Variants in ASAP1 observed in about 807,000 individuals in gnomAD.
ASAP1 encodes the protein arf-GAP with SH3 domain, ANK repeat and PH domain-containing protein 1.
In ASAP1, 43 loss-of-function variants were observed where a neutral mutation model predicts 145.2. The ratio of observed to expected loss-of-function variants is 0.30; its 90% CI spans 0.23 to 0.38. ASAP1 has a LOEUF of 0.38. Among genes scored for constraint, ASAP1 ranks in the 10% least tolerant of loss-of-function variants. The probability of loss-of-function intolerance (pLI) is 1.00; values close to 1 mark genes in which losing one functional copy is unlikely to be tolerated. For missense variants in ASAP1, 1,018 were observed against 1,355.3 expected (o/e 0.75, Z 3.91); for synonymous variants, 546 against 515.5 (o/e 1.06, Z -0.80).
Position 130,180,898 on chromosome 8 carries a change from G to A in ASAP1, c.531-18C>T, listed in dbSNP as rs780430152. On this transcript the variant is annotated intron_variant, in intron 7 of 29. Coordinates refer to ENST00000518721, the MANE Select transcript of ASAP1 (RefSeq NM_018482.4). ...TTTTTGTACTGTAATTAAAGCCAAT[G>A]TCATTATTTAAAAAAAAAAAATACA... The A allele has an allele frequency of 6.5e-7, 1 of 1,529,718 alleles. No individual in the cohort carries two copies. Among genetic ancestry groups the A allele is most frequent in the Non-Finnish European group, 8.7e-7 (1 of 1,147,586 alleles). 94.8% of individuals were successfully genotyped at this position (1,529,718 alleles called of 1,614,324 possible). A position where few individuals can be genotyped will look rare whatever the true frequency, so the allele number is the denominator to read the frequency against.
intron 3 of ASAP1, among the ~76,000 whole-genome samples, chr8:130,331,188 G>A (rs1158749412): frequency 1.3e-5 from 2 of 152,166 alleles, no homozygotes; most frequent in Non-Finnish European, 2.9e-5. Context: ...TTAAGGAAAG[G>A]GGGCATGGCT....
At chr8:130,266,648 GAACC>G (rs1399964527) in intron 3 of ASAP1, among the ~76,000 whole-genome samples, 3 of 151,652 alleles carry the variant, frequency 2.0e-5, no homozygotes, top group Non-Finnish European at 4.4e-5. Context: ...CCATGGGAGA[GAACC>G]AACAGTTATA....
chr8:130,256,403 G>C (rs754979490), intron 3 of ASAP1, among the ~76,000 whole-genome samples: 3 of 151,304 alleles, frequency 2.0e-5, no homozygotes, highest in Admixed American at 1.3e-4. Flanking sequence ...AGAGGATCTG[G>C]GGGGTGGGGG....
chr8:130,199,065 T>G (rs181924919), intron 5 of ASAP1, among the ~76,000 whole-genome samples: 2 of 152,348 alleles, frequency 1.3e-5, no homozygotes, highest in East Asian at 3.9e-4. Flanking sequence ...CAGTGAGGCC[T>G]TGACCATTCT....
At chr8:130,064,029 CA>C (rs1025954301) in intron 27 of ASAP1, among the ~76,000 whole-genome samples, 1 of 152,208 alleles carries the variant, frequency 6.6e-6, no homozygotes, top group African/African-American at 2.4e-5. Flanking sequence ...TCTGATATGG[CA>C]AGAGTGCGTC....
At chr8:130,220,565 A>C (rs1307790015) in intron 4 of ASAP1, among the ~76,000 whole-genome samples, 1 of 152,190 alleles carries the variant, frequency 6.6e-6, no homozygotes, top group Non-Finnish European at 1.5e-5. Context: ...GGCTGGGTGC[A>C]GTGGTTCATA....
At chr8:130,381,297 G>A (rs1319899309) in intron 2 of ASAP1, among the ~76,000 whole-genome samples, 1 of 151,984 alleles carries the variant, frequency 6.6e-6, no homozygotes, top group African/African-American at 2.4e-5. Flanking sequence ...CAAAGGGCTG[G>A]GATTACAGCT....
At position 130,052,720 on chromosome 8, in the gene ASAP1, T is replaced by G. The variant is rs1311836585; in HGVS notation, c.*2011A>C. On this transcript the variant is annotated 3_prime_UTR_variant, in exon 30 of 30. Transcript: ENST00000518721. ...AATTTTAGACATGCAGCTTTTGTGT[T>G]TTTTTTTTGTTTTTGTTTTTTTTTT... is the stretch of plus-strand genomic sequence containing the variant. 1.4e-5 allele frequency: 2 copies of G among 144,616 alleles called. No individual in the cohort carries two copies. The highest frequency in any genetic ancestry group is 2.5e-5 in the African/African-American group (1 of 40,544). The allele number at this position is 144,616 out of a possible 1,614,324, so 9.0% of individuals were successfully genotyped here.
chr8:130,218,620 A>G (rs889019235), intron 4 of ASAP1, among the ~76,000 whole-genome samples: 1 of 152,208 alleles, frequency 6.6e-6, no homozygotes, highest in Admixed American at 6.5e-5. Flanking sequence ...AGGCCATAGG[A>G]AGAAGGTGTT....
intron 1 of ASAP1, among the ~76,000 whole-genome samples, chr8:130,429,064 G>T (rs1044418223): frequency 1.3e-5 from 2 of 152,290 alleles, no homozygotes; most frequent in African/African-American, 4.8e-5. Context: ...AGTCACAGGG[G>T]TGTCTTCTCC....
chr8:130,085,735 T>TAAAAAA (rs376786284), intron 25 of ASAP1, among the ~76,000 whole-genome samples: 1 of 125,308 alleles, frequency 8.0e-6, no homozygotes, highest in Non-Finnish European at 1.6e-5. Context: ...ACGTTGTCTT[T>TAAAAAA]AAGAAAAAAA....
chr8:130,081,179 G>T (rs747213429), intron 25 of ASAP1, among the ~76,000 whole-genome samples: 5 of 152,184 alleles, frequency 3.3e-5, no homozygotes, highest in Non-Finnish European at 7.4e-5. Flanking sequence ...GCTGTCTGGG[G>T]AAGACATAGC....
chr8:130,342,349 A>AT lies in ASAP1; in HGVS notation c.186+15667dup, dbSNP rs1197694407. On this transcript the variant is annotated intron_variant, in intron 3 of 29. Coordinates refer to ENST00000518721, the MANE Select transcript of ASAP1 (RefSeq NM_018482.4). ...GAAGTTAATATTGTTTACTTTCCAG[A>AT]TTTTCTCCTCAGAACATCCAGTAAC... Among the ~76,000 whole-genome samples the AT allele has an allele frequency of 3.3e-5, 5 of 152,214 alleles. No individual in the cohort carries two copies. In the East Asian group the frequency reaches 9.6e-4, roughly 29 times the overall value.
chr8:130,434,219 G>A (rs1047279811), intron 1 of ASAP1, among the ~76,000 whole-genome samples: 1 of 152,168 alleles, frequency 6.6e-6, no homozygotes, highest in African/African-American at 2.4e-5. Flanking sequence ...GGGAGGCTGA[G>A]GTGGGAGGAT....
intron 4 of ASAP1, among the ~76,000 whole-genome samples, chr8:130,227,196 A>C (rs1256498327): frequency 6.6e-6 from 1 of 152,166 alleles, no homozygotes; most frequent in Non-Finnish European, 1.5e-5. Flanking sequence ...TGTTCTGCTA[A>C]TGAGGTGGTA....
chr8:130,350,944 C>T (rs1472816811), intron 3 of ASAP1, among the ~76,000 whole-genome samples: 2 of 152,166 alleles, frequency 1.3e-5, no homozygotes, highest in African/African-American at 4.8e-5. Flanking sequence ...CTAAGCATGC[C>T]AGGGTGGAGC....
chr8:130,371,056 A>T (rs1179388949), intron 2 of ASAP1, among the ~76,000 whole-genome samples: 1 of 152,230 alleles, frequency 6.6e-6, no homozygotes, highest in Non-Finnish European at 1.5e-5. Flanking sequence ...GAATTATCTC[A>T]ATTTTAAAAT....
At chr8:130,414,197 TAGAA>T (rs1433957565) in intron 1 of ASAP1, among the ~76,000 whole-genome samples, 2 of 152,188 alleles carry the variant, frequency 1.3e-5, no homozygotes, top group South Asian at 2.1e-4. Flanking sequence ...GGCACAGTCT[TAGAA>T]AGACCTTTCA....
At chr8:130,065,656 A>G (rs1434425054) in intron 27 of ASAP1, among the ~76,000 whole-genome samples, 4 of 152,202 alleles carry the variant, frequency 2.6e-5, no homozygotes, top group African/African-American at 9.7e-5. Flanking sequence ...TTGGTTTTCA[A>G]TCACAGATCC....
Sources: allele counts gnomAD v4.1 joint callset (sites outside exome capture counted in the v4.1 genomes callset), GRCh38; gene constraint gnomAD v4.1.1; transcripts MANE v1.5; gene names NCBI Gene and HGNC (gene_info 2026-07-23, HGNC 2026-07-21).